Variants in EEPD1 observed in about 807,000 individuals in gnomAD.
EEPD1 encodes endonuclease/exonuclease/phosphatase family domain-containing protein 1.
EEPD1 carries 17 observed loss-of-function variants against 46.3 expected under a neutral mutation model. The observed-to-expected ratio is 0.37, with a 90% CI of 0.25 to 0.55. EEPD1 has a LOEUF of 0.55. EEPD1 is among the 20% of genes least tolerant of loss of function. The probability of loss-of-function intolerance (pLI) is 0.83; values close to 1 mark genes in which losing one functional copy is unlikely to be tolerated. For missense variants in EEPD1, 673 were observed against 745.6 expected (o/e 0.90, Z 1.13); for synonymous variants, 313 against 315.6 (o/e 0.99, Z 0.09).
chr7:36,180,146 A>G (rs1785249491), intron 2 of EEPD1, among the ~76,000 whole-genome samples: 1 of 152,228 alleles, frequency 6.6e-6, no homozygotes, highest in Admixed American at 6.5e-5. Flanking sequence ...AAGTTCATTA[A>G]TAAAGGAATT....
At chr7:36,164,739 C>T (rs1784955248) in intron 2 of EEPD1, among the ~76,000 whole-genome samples, 1 of 152,088 alleles carries the variant, frequency 6.6e-6, no homozygotes, top group Non-Finnish European at 1.5e-5. Flanking sequence ...GTATATGTTC[C>T]CAGAAGATTA....
rs1230735275 is a variant in EEPD1, at chr7:36,153,464, C to A, written c.-403C>A. 6.6e-6 allele frequency: 1 copy of A among 152,214 alleles called. No individual in the cohort carries two copies. The highest frequency in any genetic ancestry group is 6.5e-5 in the Admixed American group (1 of 15,278). The allele number at this position is 152,214 out of a possible 1,614,324, so 9.4% of individuals were successfully genotyped here. ...TCCGAGCAGCCCTGCGGCTTCTATTCACTCTGGGAGAGCGATGCTAAGTTT... is the reference window on the plus strand; with the variant it reads ...TCCGAGCAGCCCTGCGGCTTCTATTAACTCTGGGAGAGCGATGCTAAGTTT... On this transcript the variant is annotated 5_prime_UTR_variant, in exon 1 of 8. Coordinates refer to ENST00000242108, the MANE Select transcript of EEPD1 (RefSeq NM_030636.3).
At chr7:36,254,292 T>A (rs1368176333) in intron 3 of EEPD1, among the ~76,000 whole-genome samples, 1 of 152,140 alleles carries the variant, frequency 6.6e-6, no homozygotes, top group East Asian at 1.9e-4. Context: ...CCCGACTCCC[T>A]GACAGGCCCC....
chr7:36,250,988 CAG>C (rs1327980269), intron 3 of EEPD1, among the ~76,000 whole-genome samples: 1 of 152,178 alleles, frequency 6.6e-6, no homozygotes, highest in African/African-American at 2.4e-5. Context: ...GCCCAGTCAA[CAG>C]GGGGGCCATT....
intron 4 of EEPD1, 143 bp downstream of exon 4, chr7:36,281,368 T>A: frequency 1.3e-6 from 1 of 752,650 alleles, no homozygotes; most frequent in Non-Finnish European, 2.2e-6. Flanking sequence ...TCCTTGCCAT[T>A]CATTTCCAAA....
intron 2 of EEPD1, among the ~76,000 whole-genome samples, chr7:36,211,675 A>C (rs766284536): frequency 2.0e-5 from 3 of 152,234 alleles, no homozygotes; most frequent in African/African-American, 7.2e-5. Flanking sequence ...CCGTAATCCC[A>C]GCACTTTGGG....
chr7:36,182,292 GAAAA>G (rs998805242), intron 2 of EEPD1, among the ~76,000 whole-genome samples: 2 of 152,214 alleles, frequency 1.3e-5, no homozygotes, highest in African/African-American at 4.8e-5. Context: ...TTGTGTAAGA[GAAAA>G]GTAAGAATAT....
chr7:36,227,688 G>GT (rs1786252380), intron 2 of EEPD1, among the ~76,000 whole-genome samples: 1 of 151,834 alleles, frequency 6.6e-6, no homozygotes, highest in African/African-American at 2.4e-5. Context: ...GGTTTTTTTG[G>GT]TTTTTGTTTT....
chr7:36,205,653 A>G (rs541518585), intron 2 of EEPD1, among the ~76,000 whole-genome samples: 5 of 152,336 alleles, frequency 3.3e-5, no homozygotes, highest in African/African-American at 1.2e-4. Flanking sequence ...AAAAGCATAG[A>G]ATGTGATTTT....
intron 2 of EEPD1, among the ~76,000 whole-genome samples, chr7:36,220,445 G>A (rs1242485496): frequency 3.3e-5 from 5 of 152,146 alleles, no homozygotes; most frequent in Non-Finnish European, 7.4e-5. Flanking sequence ...TCATAACCAC[G>A]TGGATTAAGA....
At chr7:36,282,530 T>C (rs1310298755) in intron 4 of EEPD1, among the ~76,000 whole-genome samples, 3 of 152,176 alleles carry the variant, frequency 2.0e-5, no homozygotes, top group Admixed American at 2.0e-4. Context: ...GTCAAGGCCA[T>C]TGGAAAACAA....
chr7:36,254,243 A>G (rs945947544), intron 3 of EEPD1, among the ~76,000 whole-genome samples: 1 of 152,030 alleles, frequency 6.6e-6, no homozygotes, highest in Non-Finnish European at 1.5e-5. Flanking sequence ...CCCATCATCT[A>G]CATTAGGTAT....
intron 3 of EEPD1, among the ~76,000 whole-genome samples, chr7:36,243,768 A>G (rs1786593651): frequency 6.6e-6 from 1 of 152,260 alleles, no homozygotes; most frequent in Non-Finnish European, 1.5e-5. Context: ...GAAATTGGAA[A>G]TCATCATTCT....
intron 3 of EEPD1, among the ~76,000 whole-genome samples, chr7:36,271,203 G>C (rs1787096797): frequency 1.3e-5 from 2 of 152,036 alleles, no homozygotes; most frequent in Non-Finnish European, 2.9e-5. Context: ...GGCCAGGCTG[G>C]TCTAGAACTC....
chr7:36,243,413 A>G (rs1403585058), intron 3 of EEPD1, among the ~76,000 whole-genome samples: 1 of 152,156 alleles, frequency 6.6e-6, no homozygotes, highest in Non-Finnish European at 1.5e-5. Context: ...TTGATTAAGA[A>G]AATAGTCTTA....
chr7:36,287,472 A>G, intron 5 of EEPD1, 167 bp from the exon 6 acceptor site: 2 of 1,064,778 alleles, frequency 1.9e-6, no homozygotes, highest in South Asian at 1.8e-5. Context: ...GCCTTGGAAA[A>G]ATCGAAGATG....
chr7:36,234,932 C>T (rs1449707256), intron 2 of EEPD1, among the ~76,000 whole-genome samples: 13 of 143,872 alleles, frequency 9.0e-5, no homozygotes, highest in Admixed American at 6.9e-5. Flanking sequence ...GCCCAGGCCT[C>T]CCCCATGGCC....
intron 2 of EEPD1, among the ~76,000 whole-genome samples, chr7:36,174,024 G>C (rs921077618): frequency 2.6e-5 from 4 of 152,186 alleles, no homozygotes; most frequent in African/African-American, 4.8e-5. Flanking sequence ...TCTGGCTGTG[G>C]GAATAGTTTA....
intron 2 of EEPD1, among the ~76,000 whole-genome samples, chr7:36,192,668 A>G (rs1448240343): frequency 6.6e-6 from 1 of 152,256 alleles, no homozygotes; most frequent in Non-Finnish European, 1.5e-5. Flanking sequence ...GGGTTATGAA[A>G]TAGCCTATTA....
Sources: allele counts gnomAD v4.1 joint callset (sites outside exome capture counted in the v4.1 genomes callset), GRCh38; gene constraint gnomAD v4.1.1; transcripts MANE v1.5; gene names NCBI Gene and HGNC (gene_info 2026-07-23, HGNC 2026-07-21).